The following VPS53 variants were observed in gnomAD, a reference collection of about 807,000 sequenced individuals.
VPS53 encodes the protein VPS53 subunit of GARP complex.
A neutral mutation model predicts 107.0 loss-of-function variants in VPS53; 70 were observed. That is an observed-to-expected ratio of 0.65 (90% confidence interval 0.54 to 0.80). VPS53 has a LOEUF of 0.80. VPS53 is among the 30% of genes least tolerant of loss of function. The pLI is 0.00. For synonymous variants in VPS53, 409 were observed against 393.3 expected (o/e 1.04, Z -0.47); for missense variants, 917 against 1,049.4 (o/e 0.87, Z 1.74).
At chr17:640,168 C>T (rs1360759643) in intron 7 of VPS53, among the ~76,000 whole-genome samples, 6 of 152,282 alleles carry the variant, frequency 3.9e-5, no homozygotes, top group South Asian at 2.1e-4. Flanking sequence ...TAGCAATGAG[C>T]GAGTCTCCGT....
chr17:534,325 CT>C (rs1909851561), intron 18 of VPS53, among the ~76,000 whole-genome samples: 3 of 152,124 alleles, frequency 2.0e-5, no homozygotes, highest in Admixed American at 1.3e-4. Context: ...TTCAACCAGG[CT>C]GTGGATTTTG....
At chr17:660,646 G>A (rs568763132) in intron 5 of VPS53, among the ~76,000 whole-genome samples, 4 of 85,382 alleles carry the variant, frequency 4.7e-5, no homozygotes, top group South Asian at 3.3e-4. Flanking sequence ...GGGGAAGGAC[G>A]AGGGCCCCTG....
rs775856679 is a variant in VPS53 at position 519,995 on chromosome 17, C to T, written c.2224-65G>A. 34 of 1,216,706 alleles carry T rather than the reference C, an allele frequency of 2.8e-5. No individual in the cohort carries two copies. Among genetic ancestry groups the T allele is most frequent in the Middle Eastern group, 2.3e-4 (1 of 4,382 alleles). 75.4% of individuals were successfully genotyped at this position (1,216,706 alleles called of 1,614,324 possible). On this transcript the variant is annotated intron_variant, in intron 20 of 21. Transcript: ENST00000437048. The surrounding 1 kb of genome is among the most constrained non-coding windows in gnomAD (Gnocchi z 5.0). ...CTACCACCACGGGAGGAGACAGGAG[C>T]GGGCCCTCAAGAAAACTCACTACCC...
chr17:554,285 G>A (rs1390311917), intron 15 of VPS53, among the ~76,000 whole-genome samples: 3 of 152,178 alleles, frequency 2.0e-5, no homozygotes, highest in Admixed American at 6.5e-5. Context: ...CACTCAACAC[G>A]CTCCTGGCGC....
At chr17:618,824 AGGG>A (rs879819817) in intron 11 of VPS53, among the ~76,000 whole-genome samples, 2 of 130,670 alleles carry the variant, frequency 1.5e-5, no homozygotes, top group African/African-American at 3.0e-5. Context: ...CCTGGGTAGC[AGGG>A]ACTACACGTG....
chr17:647,990 C>T (rs748384418), intron 7 of VPS53, among the ~76,000 whole-genome samples: 2 of 152,204 alleles, frequency 1.3e-5, no homozygotes, highest in Non-Finnish European at 1.5e-5. Context: ...TGAATGCTCA[C>T]GTCAGGCGGC....
chr17:533,554 CT>C (rs1369184227), intron 18 of VPS53, among the ~76,000 whole-genome samples: 6 of 152,156 alleles, frequency 3.9e-5, no homozygotes, highest in African/African-American at 1.4e-4. Context: ...ACTGCCTTTC[CT>C]AGAAGGGGCT....
Position 560,460 on chromosome 17 carries a change from C to A in VPS53, c.1670G>T (p.Ser557Ile). ...GGTGGCCAGACAGTACTCTGCCGTG[C>A]TCAGGATGTTACAGATGAGGCAGAG... is the stretch of plus-strand genomic sequence containing the variant. ...EELCLICNIL[S>I]TAEYCLATTQ... The change falls in exon 15 of 22, where the codon AGC becomes ATC. Residue 557 changes from serine (S) to isoleucine (I), a missense_variant. By Grantham distance (142) the Ser-to-Ile change is moderately radical (BLOSUM62 -2). Transcript: ENST00000437048. The A allele has an allele frequency of 6.2e-7, 1 of 1,612,748 alleles. No homozygotes were observed. Among genetic ancestry groups the A allele is most frequent in the Non-Finnish European group, 8.5e-7 (1 of 1,179,984 alleles).
chr17:542,685 CAAAA>C (rs34762164), intron 17 of VPS53, among the ~76,000 whole-genome samples: 2 of 151,390 alleles, frequency 1.3e-5, no homozygotes, highest in Non-Finnish European at 2.9e-5. Flanking sequence ...TTCTTTTTTT[CAAAA>C]AAATCTGACC....
chr17:664,698 T>G (rs1597459268), intron 4 of VPS53, among the ~76,000 whole-genome samples: 1 of 151,564 alleles, frequency 6.6e-6, no homozygotes, highest in Non-Finnish European at 1.5e-5. Context: ...AAAGCGGGAG[T>G]GAAAGCTCTG....
chr17:590,801 T>C (rs1967605156), intron 12 of VPS53, among the ~76,000 whole-genome samples: 1 of 147,102 alleles, frequency 6.8e-6, no homozygotes. Context: ...TGAGGATTTT[T>C]GCATCAATGT....
chr17:571,968 G>C (rs1241122931), intron 13 of VPS53, among the ~76,000 whole-genome samples: 6 of 151,414 alleles, frequency 4.0e-5, no homozygotes, highest in African/African-American at 1.5e-4. Context: ...CCGCCACCCC[G>C]TCTAGGAAGT....
intron 7 of VPS53, among the ~76,000 whole-genome samples, chr17:653,048 G>T (rs1385553144): frequency 6.6e-6 from 1 of 152,214 alleles, no homozygotes; most frequent in Non-Finnish European, 1.5e-5. Flanking sequence ...TTACCTTTTG[G>T]AAAGTTTAGC....
At chr17:667,913 G>A (rs1326104891) in intron 4 of VPS53, among the ~76,000 whole-genome samples, 1 of 152,104 alleles carries the variant, frequency 6.6e-6, no homozygotes, top group East Asian at 1.9e-4. Context: ...GCACACGCGA[G>A]GGATCTAGGT....
chr17:598,174 G>A (rs1264283291), intron 12 of VPS53, among the ~76,000 whole-genome samples: 2 of 152,224 alleles, frequency 1.3e-5, no homozygotes, highest in Non-Finnish European at 2.9e-5. Context: ...GGTTGGCCAG[G>A]CCGGTCTCCA....
intron 17 of VPS53, among the ~76,000 whole-genome samples, chr17:545,230 C>T (rs1911087379): frequency 6.6e-6 from 1 of 152,182 alleles, no homozygotes. Context: ...CCTTCTTCGG[C>T]CTGGCCTGCA....
intron 7 of VPS53, among the ~76,000 whole-genome samples, chr17:643,730 G>T (rs1471774142): frequency 6.6e-6 from 1 of 151,592 alleles, no homozygotes; most frequent in Non-Finnish European, 1.5e-5. Context: ...CTTGGAAAGT[G>T]AGGACAACAC....
At chr17:709,732 C>A (rs1376266880) in intron 2 of VPS53, among the ~76,000 whole-genome samples, 2 of 152,232 alleles carry the variant, frequency 1.3e-5, no homozygotes, top group Non-Finnish European at 2.9e-5. Flanking sequence ...CTTCTCCCAA[C>A]TCTGCTACTT....
At chr17:585,761 G>C (rs1967278151) in intron 13 of VPS53, among the ~76,000 whole-genome samples, 1 of 152,118 alleles carries the variant, frequency 6.6e-6, no homozygotes, top group African/African-American at 2.4e-5. Context: ...CCAGAAAAAG[G>C]GGCATTAATG....
Sources: allele counts gnomAD v4.1 joint callset (sites outside exome capture counted in the v4.1 genomes callset), GRCh38; gene constraint gnomAD v4.1.1; non-coding constraint Gnocchi (gnomAD v3.1); transcripts MANE v1.5; gene names NCBI Gene and HGNC (gene_info 2026-07-23, HGNC 2026-07-21).